The following MTA3 variants were observed in gnomAD, a reference collection of about 807,000 sequenced individuals.
MTA3 encodes the protein metastasis-associated protein MTA3.
A neutral mutation model predicts 83.5 loss-of-function variants in MTA3; 34 were observed. The observed-to-expected ratio is 0.41, with a 90% CI of 0.31 to 0.54. The LOEUF is 0.54. Ranked by LOEUF, MTA3 falls within the 20% of genes least tolerant of loss-of-function variation. The pLI is 0.33. For synonymous variants in MTA3, 303 were observed against 252.7 expected (o/e 1.20, Z -1.89); for missense variants, 761 against 726.4 (o/e 1.05, Z -0.55).
At chr2:42,593,890 T>G (rs1209984268) in intron 3 of MTA3, among the ~76,000 whole-genome samples, 4 of 152,096 alleles carry the variant, frequency 2.6e-5, no homozygotes. Flanking sequence ...TTCTTCCAAT[T>G]TACACCTACC....
chr2:42,708,307 C>A (rs1372795417), intron 13 of MTA3, among the ~76,000 whole-genome samples: 3 of 152,180 alleles, frequency 2.0e-5, no homozygotes, highest in Admixed American at 2.0e-4. Flanking sequence ...AGAGAGCTTA[C>A]AAATTAAATG....
chr2:42,647,155 T>TAAAAAAAAAAAA (rs1553373420), intron 6 of MTA3, among the ~76,000 whole-genome samples: 1 of 92,076 alleles, frequency 1.1e-5, no homozygotes, highest in Non-Finnish European at 2.0e-5. Flanking sequence ...AGACTCTGTC[T>TAAAAAAAAAAAA]AAAAAAAAAA....
rs114305767 is a variant in MTA3, at chr2:42,747,581, A to G, written c.1760-5793A>G. 6.3e-3 allele frequency among the ~76,000 whole-genome samples: 951 copies of G among 151,708 alleles called. 14 individuals carry two copies. The highest frequency in any genetic ancestry group is 0.022 in the African/African-American group (909 of 41,424). On this transcript the variant is annotated intron_variant, in intron 16 of 16. Coordinates refer to ENST00000405094, the MANE Select transcript of MTA3 (RefSeq NM_001330442.2). ...TCTTGAAGCTTTAAGGTGCCCCAAC[A>G]GTATAACAAGCGCAATGGAAGTTCC...
chr2:42,703,508 A>T (rs1298631228), intron 11 of MTA3: 1 of 152,254 alleles, frequency 6.6e-6, no homozygotes, highest in Non-Finnish European at 1.5e-5. Flanking sequence ...CTTTCTCGAA[A>T]CACAACCATG....
chr2:42,560,740 A>C (rs1414425967), intron 2 of MTA3, among the ~76,000 whole-genome samples: 1 of 151,572 alleles, frequency 6.6e-6, no homozygotes, highest in Admixed American at 6.6e-5. Context: ...CTCCATCTCT[A>C]CTGGAAAAAA....
Position 42,549,500 on chromosome 2 carries a change from T to TA in MTA3, c.-140-20937_-140-20936insA, listed in dbSNP as rs374030418. Among the ~76,000 whole-genome samples the TA allele has an allele frequency of 1.8e-4, 17 of 92,656 alleles. 2 individuals carry two copies. Among genetic ancestry groups the TA allele is most frequent in the African/African-American group, 4.4e-4 (10 of 22,836 alleles). The allele number at this position is 92,656 out of a possible 152,430, so 60.8% of individuals were successfully genotyped here. On this transcript the variant is annotated intron_variant, in intron 2 of 17. Coordinates refer to the MTA3 transcript ENST00000405592. The stretch of plus-strand genomic sequence containing the variant: ...TTATATATTTAAATTATATATTATA[T>TA]CATATATAATATATATGATATAATA...
At chr2:42,524,560 G>A (rs1341922609) in intron 2 of MTA3, among the ~76,000 whole-genome samples, 1 of 141,270 alleles carries the variant, frequency 7.1e-6, no homozygotes. Context: ...TCCTGACCTC[G>A]TGATCTGCCC....
chr2:42,637,189 A>G (rs1451189693), intron 4 of MTA3, among the ~76,000 whole-genome samples: 2 of 152,180 alleles, frequency 1.3e-5, no homozygotes, highest in Admixed American at 1.3e-4. Context: ...GACCTGTGGG[A>G]AAGTAGGTTT....
chr2:42,650,419 G>A (rs956663645), intron 6 of MTA3, among the ~76,000 whole-genome samples: 5 of 151,930 alleles, frequency 3.3e-5, no homozygotes, highest in African/African-American at 1.2e-4. Flanking sequence ...ACATTTGATT[G>A]TGTTTGTTTG....
exon 2 of MTA3, chr2:42,495,238 G>A (rs566117074): frequency 7.2e-5 from 11 of 152,502 alleles, no homozygotes; most frequent in African/African-American, 2.4e-4. Flanking sequence ...CTAGTGAAAA[G>A]GCAGACAACT....
At chr2:42,684,895 T>C (rs4953562) in intron 9 of MTA3, among the ~76,000 whole-genome samples, 114,584 of 152,168 alleles carry the variant, frequency 0.75, 43,545 homozygotes, top group South Asian at 0.88. Context: ...GATTGAAATA[T>C]ACACCCAAGT....
At chr2:42,531,018 T>C (rs986882859) in intron 2 of MTA3, among the ~76,000 whole-genome samples, 1 of 152,130 alleles carries the variant, frequency 6.6e-6, no homozygotes, top group African/African-American at 2.4e-5. Flanking sequence ...TTAGTAGAGA[T>C]GGCGTCTCGC....
chr2:42,652,769 T>G (rs1688832682), intron 6 of MTA3, among the ~76,000 whole-genome samples: 2 of 152,228 alleles, frequency 1.3e-5, no homozygotes, highest in East Asian at 1.9e-4. Flanking sequence ...AATGTGACTT[T>G]AAAAAATTAT....
At chr2:42,589,098 T>G (rs1200043685) in intron 3 of MTA3, among the ~76,000 whole-genome samples, 1 of 152,134 alleles carries the variant, frequency 6.6e-6, no homozygotes, top group Non-Finnish European at 1.5e-5. Context: ...ATATCTAAAT[T>G]AGATTTTGAT....
intron 2 of MTA3, among the ~76,000 whole-genome samples, chr2:42,507,185 G>C (rs984157705): frequency 1.3e-5 from 2 of 152,126 alleles, no homozygotes; most frequent in African/African-American, 4.8e-5. Flanking sequence ...GCAGGCGTGA[G>C]CCACTGGTGA....
intron 11 of MTA3, chr2:42,702,338 GT>G (rs1390812688): frequency 6.6e-6 from 1 of 152,224 alleles, no homozygotes; most frequent in Non-Finnish European, 1.5e-5. Context: ...GCACACAGTG[GT>G]TAAATGATTT....
intron 2 of MTA3, among the ~76,000 whole-genome samples, chr2:42,556,769 A>G (rs1485681114): frequency 6.6e-6 from 1 of 152,024 alleles, no homozygotes; most frequent in Non-Finnish European, 1.5e-5. Flanking sequence ...TGGTGGGGGG[A>G]ATGGGAAGAG....
At chr2:42,626,142 A>T (rs1323660804) in intron 4 of MTA3, among the ~76,000 whole-genome samples, 1 of 150,680 alleles carries the variant, frequency 6.6e-6, no homozygotes, top group Admixed American at 6.6e-5. Context: ...ATGGGGTTTC[A>T]CAGTGTTAGC....
At position 42,664,466 on chromosome 2, in the gene MTA3, C is replaced by CTTTTTTTTTTTTTTTTTT. The variant is rs35633597; in HGVS notation, c.702+4615_702+4632dup. Among the ~76,000 whole-genome samples, 79 of 85,746 alleles carry CTTTTTTTTTTTTTTTTTT rather than the reference C, an allele frequency of 9.2e-4. 34 individuals are homozygous for CTTTTTTTTTTTTTTTTTT. Among genetic ancestry groups the CTTTTTTTTTTTTTTTTTT allele is most frequent in the African/African-American group, 1.6e-3 (33 of 21,032 alleles). The allele number at this position is 85,746 out of a possible 152,430, so 56.3% of individuals were successfully genotyped here. A position where few individuals can be genotyped will look rare whatever the true frequency, so the allele number is the denominator to read the frequency against. On this transcript the variant is annotated intron_variant, in intron 8 of 16. Transcript: ENST00000405094. ...CCTACTACCCCCTCACCCCGCTTAC[C>CTTTTTTTTTTTTTTTTTT]TTTTTTTTTTTTTTTTTTTTTTTTT...
Sources: gnomAD v4.1 joint callset for allele counts (sites outside exome capture counted in the v4.1 genomes callset) on GRCh38, gnomAD v4.1.1 for gene constraint, MANE v1.5 for transcripts, NCBI Gene and HGNC (gene_info 2026-07-23, HGNC 2026-07-21) for gene names.